MMP26: variants seen among roughly 807,000 people sequenced by gnomAD.
The protein encoded by MMP26 is matrix metalloproteinase-26.
Under a neutral mutation model 31.0 loss-of-function variants are expected in MMP26, and 33 were observed. That is an observed-to-expected ratio of 1.06 (90% CI 0.81 to 1.42). The LOEUF (loss-of-function observed/expected upper bound fraction) is 1.42. Among genes scored for constraint, MMP26 ranks in the 40% most tolerant of loss-of-function variants. The probability of loss-of-function intolerance (pLI) is 0.00; values close to 1 mark genes in which losing one functional copy is unlikely to be tolerated. For synonymous variants in MMP26, 122 were observed against 114.9 expected (o/e 1.06, Z -0.40); for missense variants, 347 against 316.1 (o/e 1.10, Z -0.74).
At chr11:4,801,624 C>T (rs1411157343) in intron 2 of MMP26, among the ~76,000 whole-genome samples, 2 of 151,892 alleles carry the variant, frequency 1.3e-5, no homozygotes, top group Non-Finnish European at 2.9e-5. Context: ...CTCACCGCAA[C>T]CTCCGCTTCC....
At chr11:4,884,642 T>A (rs1267777676) in intron 2 of MMP26, among the ~76,000 whole-genome samples, 2 of 152,136 alleles carry the variant, frequency 1.3e-5, no homozygotes, top group Admixed American at 1.3e-4. Context: ...CTGCATCAGT[T>A]ATTTCAGATG....
intron 2 of MMP26, among the ~76,000 whole-genome samples, chr11:4,936,754 A>G (rs1230254399): frequency 1.3e-5 from 2 of 152,178 alleles, no homozygotes; most frequent in African/African-American, 2.4e-5. Flanking sequence ...ATGGGCCACT[A>G]AAATAAACAA....
chr11:4,831,845 CCTT>C (rs1185917123), intron 2 of MMP26, among the ~76,000 whole-genome samples: 4 of 152,246 alleles, frequency 2.6e-5, no homozygotes, highest in African/African-American at 9.6e-5. Flanking sequence ...TATCAAAGCA[CCTT>C]CTTTCTAGCT....
chr11:4,882,007 C>G, intron 2 of MMP26: 4 of 1,613,932 alleles, frequency 2.5e-6, no homozygotes, highest in Non-Finnish European at 2.5e-6. Context: ...TCTGCTGTCT[C>G]TACACCATTG....
At chr11:4,830,664 T>C (rs1849634310) in intron 2 of MMP26, among the ~76,000 whole-genome samples, 3 of 152,220 alleles carry the variant, frequency 2.0e-5, no homozygotes, top group Admixed American at 2.0e-4. Flanking sequence ...GCCATACCAT[T>C]ACATAGCCAT....
chr11:4,706,986 A>C (rs893849936), intron 1 of MMP26, among the ~76,000 whole-genome samples: 2 of 152,172 alleles, frequency 1.3e-5, no homozygotes, highest in Admixed American at 1.3e-4. Flanking sequence ...TTGTTGATGG[A>C]CATTTAGGTT....
At chr11:4,804,431 G>A in intron 2 of MMP26, 3 of 1,351,290 alleles carry the variant, frequency 2.2e-6, no homozygotes, top group Non-Finnish European at 3.2e-6. Context: ...CTCTGCAGAT[G>A]ATAACAATCA....
At chr11:4,828,545 G>T (rs949092061) in intron 2 of MMP26, among the ~76,000 whole-genome samples, 3 of 152,132 alleles carry the variant, frequency 2.0e-5, no homozygotes, top group African/African-American at 7.2e-5. Flanking sequence ...AAATTTACTT[G>T]TACTATCTAT....
intron 1 of MMP26, among the ~76,000 whole-genome samples, chr11:4,753,225 C>A (rs562015288): frequency 6.6e-6 from 1 of 151,996 alleles, no homozygotes; most frequent in East Asian, 1.9e-4. Context: ...GAATAGTAAC[C>A]ATTATTCTGA....
At chr11:4,706,533 G>A (rs1204831000) in intron 1 of MMP26, among the ~76,000 whole-genome samples, 1 of 139,120 alleles carries the variant, frequency 7.2e-6, no homozygotes, top group East Asian at 2.1e-4. Context: ...AGCAGTGATT[G>A]CGCCACTGCA....
chr11:4,971,472 T>C (rs1283023434), intron 2 of MMP26, among the ~76,000 whole-genome samples: 1 of 152,174 alleles, frequency 6.6e-6, no homozygotes, highest in Admixed American at 6.5e-5. Context: ...AAAAACTTTA[T>C]TAACAGAGAG....
chr11:4,710,241 C>T lies in MMP26; in HGVS notation c.-217+5196C>T, dbSNP rs117574195. ...CCTCATCTCCTATGTTCTGATCGTC[C>T]GCTCTGTGCTCTGCATTGCCTCCCC... On this transcript the variant is annotated intron_variant, in intron 1 of 7. Coordinates refer to ENST00000380390, the MANE Select transcript of MMP26 (RefSeq NM_021801.5). 238 of 456,720 alleles carry T rather than the reference C, an allele frequency of 5.2e-4. 5 individuals are homozygous for T. In the East Asian group the frequency reaches 0.015, roughly 28 times the overall value. The allele number at this position is 456,720 out of a possible 1,614,324, so 28.3% of individuals were successfully genotyped here.
At chr11:4,923,319 A>G in intron 2 of MMP26, 1 of 1,508,596 alleles carries the variant, frequency 6.6e-7, no homozygotes, top group South Asian at 1.4e-5. Flanking sequence ...GCACAGCTGA[A>G]AACAAACAGA....
At chr11:4,723,902 C>T (rs1848058112) in intron 1 of MMP26, 2 of 1,054,294 alleles carry the variant, frequency 1.9e-6, no homozygotes, top group Non-Finnish European at 3.0e-6. Flanking sequence ...TGCTCCTTCT[C>T]CTGGGTGCGC....
At chr11:4,895,066 C>T (rs1850680489) in intron 2 of MMP26, among the ~76,000 whole-genome samples, 1 of 152,054 alleles carries the variant, frequency 6.6e-6, no homozygotes, top group Non-Finnish European at 1.5e-5. Flanking sequence ...TAAAAAGGGA[C>T]TAATGCATTT....
intron 2 of MMP26, chr11:4,908,134 C>G: frequency 6.2e-7 from 1 of 1,614,200 alleles, no homozygotes; most frequent in Non-Finnish European, 8.5e-7. Context: ...TGCCCATCAT[C>G]ACCCTGGCTG....
intron 2 of MMP26, chr11:4,914,378 T>C (rs1003533869): frequency 2.0e-5 from 4 of 204,420 alleles, no homozygotes; most frequent in African/African-American, 7.0e-5. Flanking sequence ...ATTTCCACAA[T>C]ACTCAATTCA....
At chr11:4,735,961 A>G (rs1235117129) in intron 1 of MMP26, among the ~76,000 whole-genome samples, 1 of 152,142 alleles carries the variant, frequency 6.6e-6, no homozygotes, top group East Asian at 1.9e-4. Context: ...AAGATATTTC[A>G]TTGTTCATTC....
intron 2 of MMP26, among the ~76,000 whole-genome samples, chr11:4,825,438 G>A (rs967803708): frequency 6.6e-5 from 10 of 152,100 alleles, no homozygotes; most frequent in African/African-American, 2.2e-4. Flanking sequence ...GTCTGAATGA[G>A]ATAAAGGTTT....
Sources: allele counts gnomAD v4.1 joint callset (sites outside exome capture counted in the v4.1 genomes callset), GRCh38; gene constraint gnomAD v4.1.1; transcripts MANE v1.5; gene names NCBI Gene and HGNC (gene_info 2026-07-23, HGNC 2026-07-21).